IL4: variants seen among roughly 807,000 people sequenced by gnomAD.
IL4 encodes the protein interleukin-4.
Under a neutral mutation model 17.4 loss-of-function variants are expected in IL4, and 10 were observed. That is an observed-to-expected ratio of 0.57 (90% CI 0.35 to 0.97). The LOEUF is 0.97. Among genes scored for constraint, IL4 ranks in the 50% least tolerant of loss-of-function variants. The pLI is 0.01. For missense variants in IL4, 174 were observed against 187.7 expected (o/e 0.93, Z 0.43); for synonymous variants, 87 against 79.0 (o/e 1.10, Z -0.54).
At chr5:132,682,422 C>T (rs41403547) in intron 3 of IL4, 64 bp from the exon 4 acceptor site, 1 of 972,910 alleles carries the variant, frequency 1.0e-6, no homozygotes, top group East Asian at 2.4e-5. Flanking sequence ...TAGGCTTGAT[C>T]AAGTAGACAG....
intron 3 of IL4, among the ~76,000 whole-genome samples, chr5:132,681,712 C>T (rs1752491716): frequency 6.6e-6 from 1 of 151,958 alleles, no homozygotes; most frequent in African/African-American, 2.4e-5. Flanking sequence ...TCCTTGTAGC[C>T]CAGAGTGGAT....
chr5:132,679,677 G>A (rs201866459), intron 2 of IL4, 37 bp from the exon 3 acceptor site: 8 of 1,564,222 alleles, frequency 5.1e-6, no homozygotes, highest in Non-Finnish European at 7.0e-6. Context: ...TCCAAATGGA[G>A]CTGGCACATT....
In IL4 at chr5:132,674,500, C is replaced by T. The variant is rs1178665789; in HGVS notation, c.177C>T (p.Ala59=). Reference sequence around the variant, plus strand: ...TGACCGTAACAGACATCTTTGCTGCCTCCAAGGTAAGAAGCCGTCCCACGG... The same window carrying T: ...TGACCGTAACAGACATCTTTGCTGCTTCCAAGGTAAGAAGCCGTCCCACGG... ...TELTVTDIFA[A]SKNTTEKETF... is the part of the protein sequence containing the mutation. Residue 59 remains alanine, a synonymous_variant, in exon 2 of 4, where the codon GCC becomes GCT. Transcript: ENST00000231449. 1 of 1,613,924 alleles carries T rather than the reference C, an allele frequency of 6.2e-7. No homozygotes were observed. The highest frequency in any genetic ancestry group is 8.5e-7 in the Non-Finnish European group (1 of 1,179,780).
At chr5:132,677,772 C>G (rs1383057362) in intron 2 of IL4, 1 of 152,094 alleles carries the variant, frequency 6.6e-6, no homozygotes, top group African/African-American at 2.4e-5. Flanking sequence ...CTCACTGTTC[C>G]CTCTGCAGCA....
intron 2 of IL4, among the ~76,000 whole-genome samples, chr5:132,678,212 A>G (rs1752418892): frequency 6.6e-6 from 1 of 152,268 alleles, no homozygotes; most frequent in African/African-American, 2.4e-5. Context: ...CTGCCACGAT[A>G]GGGGCCTGAC....
chr5:132,675,802 G>A (rs1027793801), intron 2 of IL4, among the ~76,000 whole-genome samples: 4 of 151,448 alleles, frequency 2.6e-5, no homozygotes, highest in Non-Finnish European at 5.9e-5. Context: ...CGTCCACCTC[G>A]GCCTCTCAAA....
rs200393431 is a variant in IL4, at chr5:132,674,128, G to C, written c.78G>C (p.Lys26Asn). ...CCGGCAACTTTGTCCACGGACACAAGTGCGATATCACCTTACAGGAGATCA... is the reference window on the plus strand; with the variant it reads ...CCGGCAACTTTGTCCACGGACACAACTGCGATATCACCTTACAGGAGATCA... ...ACAGNFVHGH[K>N]CDITLQEIIK... Residue 26 changes from lysine to asparagine, a missense_variant, in exon 1 of 4, where the codon AAG becomes AAC. Coordinates refer to ENST00000231449, the MANE Select transcript of IL4 (RefSeq NM_000589.4). 1.5e-5 allele frequency: 24 copies of C among 1,614,162 alleles called. No individual in the cohort carries two copies. The African/African-American group carries it at 3.1e-4, about 21-fold the overall frequency.
chr5:132,674,374 G>A, intron 1 of IL4, 85 bp from the exon 2 acceptor site: 3 of 1,419,726 alleles, frequency 2.1e-6, no homozygotes, highest in Non-Finnish European at 3.0e-6. Context: ...TCAGTTGGAG[G>A]GAGTGAGAGC....
Position 132,682,571 on chromosome 5 carries a change from CA to C in IL4, c.449del (p.Lys150SerfsTer10). 2 of 1,595,734 alleles carry C rather than the reference CA, an allele frequency of 1.3e-6. No homozygotes were observed. The highest frequency in any genetic ancestry group is 2.7e-5 in the African/African-American group (2 of 74,670). Reference protein sequence around the residue: ...RLKTIMREKYSKCSS With the variant: ...RLKTIMREKYXKCSS ...AAGACGATCATGAGAGAGAAATATT[CA>C]AAGTGTTCGAGCTGAATATTTTAAT... is the stretch of plus-strand genomic sequence containing the variant. On this transcript the variant is annotated frameshift_variant, in exon 4 of 4. Transcript: ENST00000231449. LOFTEE classifies it high-confidence loss of function.
Position 132,680,495 on chromosome 5 carries a change from A to G in IL4, c.360+605A>G, listed in dbSNP as rs556524805. Among the ~76,000 whole-genome samples the G allele has an allele frequency of 6.6e-6, 1 of 152,370 alleles. No individual in the cohort carries two copies. Among genetic ancestry groups the G allele is most frequent in the Admixed American group, 6.5e-5 (1 of 15,302 alleles). On this transcript the variant is annotated intron_variant, in intron 3 of 3. Transcript: ENST00000231449. The surrounding 1 kb of genome is among the most constrained non-coding windows in gnomAD (Gnocchi z 4.3). ...AGGGAACACCTGCAGAGCTTTGGGC[A>G]GGACAAAGACTGTACAATCTGATTT... is the stretch of plus-strand genomic sequence containing the variant.
chr5:132,675,877 GTATA>G (rs1242468042), intron 2 of IL4, among the ~76,000 whole-genome samples: 60 of 36,938 alleles, frequency 1.6e-3, no homozygotes, highest in Non-Finnish European at 4.9e-3. Flanking sequence ...GTGTGTGTGT[GTATA>G]TATGTGTGTG....
At chr5:132,676,388 G>C (rs553848097) in intron 2 of IL4, among the ~76,000 whole-genome samples, 17 of 152,318 alleles carry the variant, frequency 1.1e-4, no homozygotes, top group African/African-American at 3.8e-4. Flanking sequence ...GGAGGGGACC[G>C]GGTTGGAAAG....
chr5:132,679,144 TG>T (rs1255345883), intron 2 of IL4, among the ~76,000 whole-genome samples: 1 of 152,218 alleles, frequency 6.6e-6, no homozygotes, highest in Admixed American at 6.5e-5. Context: ...ACTTGGGCCA[TG>T]TGCTGCTCTC....
intron 1 of IL4, 85 bp downstream of exon 1, chr5:132,674,270 G>C (rs1752337723): frequency 1.3e-6 from 2 of 1,521,796 alleles, no homozygotes; most frequent in Middle Eastern, 1.8e-4. Context: ...ACAGCTGCTA[G>C]AGAAGTTGGA....
intron 2 of IL4, among the ~76,000 whole-genome samples, chr5:132,678,969 G>A (rs914463235): frequency 1.3e-5 from 2 of 152,240 alleles, no homozygotes; most frequent in Non-Finnish European, 2.9e-5. Flanking sequence ...ATTCCAAGGA[G>A]ATTCTCACTC....
intron 3 of IL4, among the ~76,000 whole-genome samples, chr5:132,681,968 C>A (rs1752496744): frequency 6.6e-6 from 1 of 152,158 alleles, no homozygotes. Context: ...CTAAGCAATA[C>A]AATTAATAAA....
intron 2 of IL4, among the ~76,000 whole-genome samples, chr5:132,678,285 C>T (rs1375456680): frequency 6.6e-6 from 1 of 151,888 alleles, no homozygotes; most frequent in Non-Finnish European, 1.5e-5. Flanking sequence ...TCTCTAATAC[C>T]ACCGAAGGGC....
rs773572172 is a variant in IL4, at chr5:132,674,482, A to C, written c.159A>C (p.Val53=). The C allele has an allele frequency of 6.2e-7, 1 of 1,614,056 alleles. No individual in the cohort carries two copies. Among genetic ancestry groups the C allele is most frequent in the East Asian group, 2.2e-5 (1 of 44,894 alleles). ...AGACTCTGTGCACCGAGTTGACCGTAACAGACATCTTTGCTGCCTCCAAGG... is the reference window on the plus strand; with the variant it reads ...AGACTCTGTGCACCGAGTTGACCGTCACAGACATCTTTGCTGCCTCCAAGG... The part of the protein sequence containing the change: ...EQKTLCTELT[V]TDIFAASKNT... The change falls in exon 2 of 4, where the codon GTA becomes GTC. Residue 53 remains valine (V), a synonymous_variant. Transcript: ENST00000231449.
rs1242468042 is a variant in IL4 at position 132,675,877 on chromosome 5, GTA to G, written c.183+1377_183+1378del. 4.7e-3 allele frequency among the ~76,000 whole-genome samples: 175 copies of G among 36,928 alleles called. 2 individuals are homozygous for G. The highest frequency in any genetic ancestry group is 6.1e-3 in the African/African-American group (145 of 23,786). 24.2% of individuals were successfully genotyped at this position (36,928 alleles called of 152,430 possible). On this transcript the variant is annotated intron_variant, in intron 2 of 3. Transcript: ENST00000231449. The stretch of plus-strand genomic sequence containing the variant: ...TGTGTGTGTGTGTGTGTGTGTGTGT[GTA>G]TATATGTGTGTGTGTATATATATGT...
Sources: allele counts gnomAD v4.1 joint callset (sites outside exome capture counted in the v4.1 genomes callset), GRCh38; gene constraint gnomAD v4.1.1; non-coding constraint Gnocchi (gnomAD v3.1); transcripts MANE v1.5; gene names NCBI Gene and HGNC (gene_info 2026-07-23, HGNC 2026-07-21).